CHDH: variants seen among roughly 807,000 people sequenced by gnomAD.
CHDH encodes the protein choline dehydrogenase, mitochondrial.
A neutral mutation model predicts 56.9 loss-of-function variants in CHDH; 43 were observed. That is an observed-to-expected ratio of 0.76 (90% confidence interval 0.59 to 0.97). The LOEUF (loss-of-function observed/expected upper bound fraction) is 0.97. CHDH is among the 50% of genes least tolerant of loss of function. The pLI, the probability that CHDH is intolerant of heterozygous loss-of-function variation, is 0.00. For synonymous variants in CHDH, 364 were observed against 348.5 expected, an observed-to-expected ratio of 1.04 and a Z score of -0.50; for missense variants, 816 against 821.1, an observed-to-expected ratio of 0.99 and a Z score of 0.08.
chr3:53,822,931 G>T lies in CHDH; in HGVS notation c.704-289C>A, dbSNP rs555232323. ...GAGAGCCTTCAAGAGGCAGGCAGAA[G>T]CCCCGGGTCAGCCCTGGCTCGCCTC... On this transcript the variant is annotated intron_variant, in intron 3 of 8. Coordinates refer to ENST00000315251, the MANE Select transcript of CHDH (RefSeq NM_018397.5). Among the ~76,000 whole-genome samples the T allele has an allele frequency of 2.6e-5, 4 of 152,304 alleles. No individual in the cohort carries two copies. In the East Asian group the frequency reaches 7.7e-4, roughly 29 times the overall value.
At chr3:53,843,206 G>GTTTTTTT (rs1263452743) in intron 1 of CHDH, among the ~76,000 whole-genome samples, 2 of 123,666 alleles carry the variant, frequency 1.6e-5, no homozygotes, top group African/African-American at 3.9e-5. Flanking sequence ...TTTTTTTTTG[G>GTTTTTTT]TTCTGCCTCT....
intron 2 of CHDH, among the ~76,000 whole-genome samples, chr3:53,829,238 G>C (rs917466569): frequency 6.6e-6 from 1 of 152,200 alleles, no homozygotes; most frequent in African/African-American, 2.4e-5. Context: ...GTTACCAGGA[G>C]TTGGGAGAGG....
chr3:53,820,654 C>T, intron 5 of CHDH, 46 bp from the exon 6 acceptor site: 1 of 1,582,512 alleles, frequency 6.3e-7, no homozygotes, highest in Non-Finnish European at 8.6e-7. Flanking sequence ...CAAGGGGGCT[C>T]AGCTGCTTCT....
At chr3:53,838,769 C>G (rs1698583207) in intron 2 of CHDH, among the ~76,000 whole-genome samples, 1 of 152,192 alleles carries the variant, frequency 6.6e-6, no homozygotes, top group Non-Finnish European at 1.5e-5. Flanking sequence ...ACAGCAGGCA[C>G]TCAATAAACG....
rs9860224 is a variant in CHDH, at chr3:53,836,028, C to G, written c.-60+4901G>C. On this transcript the variant is annotated intron_variant, in intron 2 of 8. Transcript: ENST00000315251. Reference sequence around the variant, plus strand: ...AAGTTCCCATGCCAGGGGTCTCAAGCCAAGAAGGCTTGGCTGCTTTCCTAC... The same window carrying G: ...AAGTTCCCATGCCAGGGGTCTCAAGGCAAGAAGGCTTGGCTGCTTTCCTAC... Among the ~76,000 whole-genome samples, 554 of 152,320 alleles carry G rather than the reference C, an allele frequency of 3.6e-3. 3 individuals carry two copies. The highest frequency in any genetic ancestry group is 0.013 in the African/African-American group (520 of 41,568).
intron 1 of CHDH, among the ~76,000 whole-genome samples, chr3:53,842,398 A>C (rs1698700792): frequency 6.6e-6 from 1 of 152,224 alleles, no homozygotes; most frequent in Non-Finnish European, 1.5e-5. Flanking sequence ...GTAGGGTGAC[A>C]GGGTGATCCT....
intron 5 of CHDH, among the ~76,000 whole-genome samples, chr3:53,821,332 A>C (rs1174541830): frequency 6.6e-6 from 1 of 152,224 alleles, no homozygotes; most frequent in Admixed American, 6.5e-5. Flanking sequence ...CCCTCTCGCC[A>C]TAGAGCTGCC....
intron 2 of CHDH, among the ~76,000 whole-genome samples, chr3:53,839,337 G>C (rs1325659447): frequency 6.6e-6 from 1 of 152,222 alleles, no homozygotes; most frequent in African/African-American, 2.4e-5. Context: ...CAGAATCCAA[G>C]TGCAGGGAAA....
At position 53,812,430 on chromosome 3, in the gene CHDH, T is replaced by TGAG. The variant is rs975463351; in HGVS notation, c.*5344_*5346dup. 6.6e-6 allele frequency: 1 copy of TGAG among 152,240 alleles called. No individual in the cohort carries two copies. The highest frequency in any genetic ancestry group is 2.4e-5 in the African/African-American group (1 of 41,456). 9.4% of individuals were successfully genotyped at this position (152,240 alleles called of 1,614,324 possible). On this transcript the variant is annotated 3_prime_UTR_variant, in exon 9 of 9. Transcript: ENST00000315251. ...CTACAGAAATTTTTCTAAAATATTT[T>TGAG]GAGTCACTATAAACCTATCATCTTT...
Position 53,817,807 on chromosome 3 carries a change from G to A in CHDH, c.1755C>T (p.Tyr585=). ...PALWDKDVPV[Y]KPRTLATQR ...GCTGGGTGGCCAGCGTCCTGGGCTT[G>A]TAGACAGGGACATCTTTGTCCCAGA... The change falls in exon 9 of 9, where the codon TAC becomes TAT. Residue 585 remains tyrosine, a synonymous_variant. Coordinates refer to ENST00000315251, the MANE Select transcript of CHDH (RefSeq NM_018397.5). The A allele has an allele frequency of 1.9e-6, 3 of 1,612,248 alleles. No individual in the cohort carries two copies. Among genetic ancestry groups the A allele is most frequent in the Non-Finnish European group, 2.5e-6 (3 of 1,178,966 alleles).
rs1013859317 is a variant in CHDH at position 53,846,284 on chromosome 3, G to T, written c.-332C>A. ...TAGCTGGGCTCCAGCGGAGGCGCGC[G>T]AAGCCCGAGGGCGGGTGCAGCTGAT... On this transcript the variant is annotated 5_prime_UTR_variant, in exon 1 of 9. Coordinates refer to ENST00000315251, the MANE Select transcript of CHDH (RefSeq NM_018397.5). 1.5e-5 allele frequency: 5 copies of T among 331,490 alleles called. No individual in the cohort carries two copies. Among genetic ancestry groups the T allele is most frequent in the Non-Finnish European group, 2.7e-5 (5 of 183,866 alleles). 20.5% of individuals were successfully genotyped at this position (331,490 alleles called of 1,614,324 possible).
chr3:53,824,827 AAGAACACCTG>A (rs1316594594), intron 2 of CHDH, among the ~76,000 whole-genome samples: 1 of 152,226 alleles, frequency 6.6e-6, no homozygotes, highest in Non-Finnish European at 1.5e-5. Flanking sequence ...CTCCATTGAA[AAGAACACCTG>A]AGAACACCCC....
chr3:53,818,299 G>GTGTT (rs779438910), intron 8 of CHDH, 104 bp from the exon 9 acceptor site: 133 of 1,074,914 alleles, frequency 1.2e-4, no homozygotes, highest in Non-Finnish European at 1.6e-4. Flanking sequence ...TGAGGGGATG[G>GTGTT]TGTTTGGGGA....
chr3:53,835,210 T>G (rs1237303840), intron 2 of CHDH, among the ~76,000 whole-genome samples: 1 of 152,178 alleles, frequency 6.6e-6, no homozygotes, highest in Non-Finnish European at 1.5e-5. Flanking sequence ...ACTCCCCTAA[T>G]AGGGTACTGC....
At position 53,824,011 on chromosome 3, in the gene CHDH, T is replaced by TTCTA. The variant is rs767193456; in HGVS notation, c.-7_-4dup. ...AGGCCTCGTAGGAGACACCACATGC[T>TTCTA]TCTATCTAGTCCAAGTCCTCTGATC... On this transcript the variant is annotated 5_prime_UTR_variant, in exon 3 of 9. Coordinates refer to ENST00000315251, the MANE Select transcript of CHDH (RefSeq NM_018397.5). 1.9e-5 allele frequency: 28 copies of TTCTA among 1,461,328 alleles called. No homozygotes were observed. In the Admixed American group the frequency reaches 6.6e-4, roughly 35 times the overall value. 90.5% of individuals were successfully genotyped at this position (1,461,328 alleles called of 1,614,324 possible).
chr3:53,822,791 C>A lies in CHDH; in HGVS notation c.704-149G>T, dbSNP rs182601685. 6.9e-5 allele frequency: 73 copies of A among 1,058,528 alleles called. No individual in the cohort carries two copies. In the East Asian group the frequency reaches 1.5e-3, roughly 21 times the overall value. The allele number at this position is 1,058,528 out of a possible 1,614,324, so 65.6% of individuals were successfully genotyped here. On this transcript the variant is annotated intron_variant, in intron 3 of 8. Transcript: ENST00000315251. ...GTAAAGCTGAGACGGAAAGACCCTGCAAGACCCTGCCCTACTGAGTCCACA... is the reference window on the plus strand; with the variant it reads ...GTAAAGCTGAGACGGAAAGACCCTGAAAGACCCTGCCCTACTGAGTCCACA...
At chr3:53,834,310 T>C (rs1698428647) in intron 2 of CHDH, among the ~76,000 whole-genome samples, 2 of 151,996 alleles carry the variant, frequency 1.3e-5, no homozygotes, top group African/African-American at 2.4e-5. Context: ...TAGCCAGGCA[T>C]AATAAGGCAT....
intron 2 of CHDH, among the ~76,000 whole-genome samples, chr3:53,829,544 A>G (rs1698269072): frequency 6.6e-6 from 1 of 152,158 alleles, no homozygotes; most frequent in Non-Finnish European, 1.5e-5. Flanking sequence ...TGAGCCTGAA[A>G]CTGCCTTTTT....
In CHDH at chr3:53,823,831, T is replaced by G. The variant is rs2095633611; in HGVS notation, c.178A>C (p.Thr60Pro). 2 of 1,585,848 alleles carry G rather than the reference T, an allele frequency of 1.3e-6. No homozygotes were observed. Among genetic ancestry groups the G allele is most frequent in the South Asian group, 2.2e-5 (2 of 89,196 alleles). Residue 60 changes from threonine to proline, a missense_variant, in exon 3 of 9, where the codon ACG (threonine) becomes CCG (proline). Transcript: ENST00000315251. ...AGCACGCGCTCGGCGGGGTCCTCCG[T>G]GAGCCTCCCAGCCAGCACGCAGCCC... ...SAGCVLAGRL[T>P]EDPAERVLLL...
Sources: gnomAD v4.1 joint callset for allele counts (sites outside exome capture counted in the v4.1 genomes callset) on GRCh38, gnomAD v4.1.1 for gene constraint, MANE v1.5 for transcripts, NCBI Gene and HGNC (gene_info 2026-07-23, HGNC 2026-07-21) for gene names.